PPP1R12B: variants seen among roughly 807,000 people sequenced by gnomAD.
PPP1R12B encodes the protein myosin phosphatase target subunit 2.
A neutral mutation model predicts 126.1 loss-of-function variants in PPP1R12B; 76 were observed. That is an observed-to-expected ratio of 0.60 (90% CI 0.50 to 0.73). The LOEUF (loss-of-function observed/expected upper bound fraction) is 0.73. Ranked by LOEUF, PPP1R12B falls within the 30% of genes least tolerant of loss-of-function variation. PPP1R12B has a pLI of 0.00. For synonymous variants in PPP1R12B, 356 were observed against 434.7 expected (o/e 0.82, Z 2.25); for missense variants, 1,052 against 1,205.1 (o/e 0.87, Z 1.88).
chr1:202,576,571 T>G (rs1689111711), intron 23 of PPP1R12B: 2 of 152,174 alleles, frequency 1.3e-5, no homozygotes, highest in Non-Finnish European at 2.9e-5. Flanking sequence ...CACTGTTAGG[T>G]CCAGACTCCA....
intron 1 of PPP1R12B, among the ~76,000 whole-genome samples, chr1:202,412,798 A>C (rs1667582584): frequency 6.6e-6 from 1 of 152,166 alleles, no homozygotes. Flanking sequence ...TTACTTAAAA[A>C]CGTTTATTTA....
chr1:202,396,286 G>A (rs1664966680), intron 1 of PPP1R12B, among the ~76,000 whole-genome samples: 1 of 152,092 alleles, frequency 6.6e-6, no homozygotes, highest in East Asian at 1.9e-4. Flanking sequence ...TTGAATGCTG[G>A]CTCCTTAGTT....
chr1:202,450,683 T>G (rs537220710), intron 13 of PPP1R12B, among the ~76,000 whole-genome samples: 5 of 152,352 alleles, frequency 3.3e-5, no homozygotes, highest in African/African-American at 9.6e-5. Flanking sequence ...GATGTATGGA[T>G]TTATTTCTGA....
At chr1:202,534,111 C>G (rs985210653) in intron 18 of PPP1R12B, among the ~76,000 whole-genome samples, 33 of 152,156 alleles carry the variant, frequency 2.2e-4, no homozygotes, top group African/African-American at 7.5e-4. Flanking sequence ...ATATCAATGT[C>G]TACTCATGGG....
At chr1:202,564,658 C>T in intron 21 of PPP1R12B, 111 bp downstream of exon 21, 1 of 777,646 alleles carries the variant, frequency 1.3e-6, no homozygotes, top group Non-Finnish European at 2.0e-6. Context: ...ATCAGGCCTT[C>T]TCGGGGCAAT....
At chr1:202,515,933 G>T (rs1001234811) in intron 18 of PPP1R12B, among the ~76,000 whole-genome samples, 1 of 152,188 alleles carries the variant, frequency 6.6e-6, no homozygotes, top group Non-Finnish European at 1.5e-5. Flanking sequence ...CCAGAAATTA[G>T]ATGAGATTTA....
Position 202,425,416 on chromosome 1 carries a change from T to C in PPP1R12B, c.542-150T>C. On this transcript the variant is annotated intron_variant, in intron 3 of 23. Coordinates refer to ENST00000608999, the MANE Select transcript of PPP1R12B (RefSeq NM_002481.4). ...ACCATTAATATGTGTACAAATGCCA[T>C]TGATCTTCTAAATTTGATAATTACC... 4.9e-6 allele frequency: 4 copies of C among 821,488 alleles called. No individual in the cohort carries two copies. The South Asian group carries it at 6.7e-5, about 14-fold the overall frequency. The allele number at this position is 821,488 out of a possible 1,614,324, so 50.9% of individuals were successfully genotyped here.
intron 18 of PPP1R12B, among the ~76,000 whole-genome samples, chr1:202,543,078 A>T (rs1685287106): frequency 1.3e-5 from 2 of 152,046 alleles, no homozygotes; most frequent in Admixed American, 1.3e-4. Context: ...GAGTATTTTT[A>T]AAATAATAGC....
intron 11 of PPP1R12B, among the ~76,000 whole-genome samples, chr1:202,441,871 T>G (rs180864158): frequency 2.0e-5 from 3 of 152,280 alleles, no homozygotes; most frequent in East Asian, 1.9e-4. Context: ...TTATTTTTTT[T>G]TTTGAGACAA....
intron 13 of PPP1R12B, among the ~76,000 whole-genome samples, chr1:202,450,636 T>A (rs1672813415): frequency 6.6e-6 from 1 of 152,224 alleles, no homozygotes; most frequent in Non-Finnish European, 1.5e-5. Flanking sequence ...CTCCAATGTA[T>A]GTTCTTGGCA....
Position 202,585,909 on chromosome 1 carries a change from C to G in PPP1R12B, c.*5349C>G, listed in dbSNP as rs759852539. ...CTGCTTCATAGGTTTCCTCAACCAC[C>G]TTTCCTCAGCTTTCTTAAAATGGGA... On this transcript the variant is annotated 3_prime_UTR_variant, in exon 24 of 24. Transcript: ENST00000608999. The G allele has an allele frequency of 6.6e-6, 1 of 152,190 alleles. No individual in the cohort carries two copies. The highest frequency in any genetic ancestry group is 1.5e-5 in the Non-Finnish European group (1 of 68,036). 9.4% of individuals were successfully genotyped at this position (152,190 alleles called of 1,614,324 possible). A position where few individuals can be genotyped will look rare whatever the true frequency, so the allele number is the denominator to read the frequency against.
At chr1:202,477,302 A>G (rs1436920978) in intron 13 of PPP1R12B, among the ~76,000 whole-genome samples, 1 of 152,186 alleles carries the variant, frequency 6.6e-6, no homozygotes, top group African/African-American at 2.4e-5. Flanking sequence ...ATATATCTGT[A>G]TATATCTGTT....
chr1:202,511,167 T>G (rs955222809), intron 18 of PPP1R12B, among the ~76,000 whole-genome samples: 6 of 150,782 alleles, frequency 4.0e-5, no homozygotes, highest in Admixed American at 4.0e-4. Flanking sequence ...TGGCGATTTC[T>G]GAGAGATTTT....
chr1:202,489,385 A>AT (rs1678574318), intron 14 of PPP1R12B, among the ~76,000 whole-genome samples: 1 of 152,254 alleles, frequency 6.6e-6, no homozygotes, highest in South Asian at 2.1e-4. Flanking sequence ...AAATGAAAAC[A>AT]TATGTTCATA....
At chr1:202,479,170 T>C (rs1677041166) in intron 13 of PPP1R12B, among the ~76,000 whole-genome samples, 1 of 152,188 alleles carries the variant, frequency 6.6e-6, no homozygotes, top group South Asian at 2.1e-4. Context: ...CCTACCAAAC[T>C]ATAGCATATT....
chr1:202,524,902 G>C (rs934164666), intron 18 of PPP1R12B, among the ~76,000 whole-genome samples: 2 of 152,014 alleles, frequency 1.3e-5, no homozygotes, highest in African/African-American at 4.8e-5. Context: ...TTTTTGGACA[G>C]AGTCTCACTC....
intron 19 of PPP1R12B, among the ~76,000 whole-genome samples, chr1:202,560,570 C>T (rs188440664): frequency 2.0e-5 from 3 of 152,272 alleles, no homozygotes; most frequent in East Asian, 1.9e-4. Context: ...GACACTCTCA[C>T]GGCCATCTTG....
intron 12 of PPP1R12B, among the ~76,000 whole-genome samples, chr1:202,443,358 G>GT (rs540639227): frequency 6.2e-4 from 94 of 152,312 alleles, no homozygotes; most frequent in African/African-American, 2.1e-3. Flanking sequence ...TCATCATTAG[G>GT]TTTTTTAGAT....
intron 13 of PPP1R12B, among the ~76,000 whole-genome samples, chr1:202,480,867 T>C (rs1481398132): frequency 6.6e-6 from 1 of 152,196 alleles, no homozygotes; most frequent in East Asian, 1.9e-4. Context: ...AGGATTTCAA[T>C]GTAACAGAAT....
Sources: allele counts gnomAD v4.1 joint callset (sites outside exome capture counted in the v4.1 genomes callset), GRCh38; gene constraint gnomAD v4.1.1; transcripts MANE v1.5; gene names NCBI Gene and HGNC (gene_info 2026-07-23, HGNC 2026-07-21).